The following TTC21B variants were observed in gnomAD, a reference collection of about 807,000 sequenced individuals.
TTC21B encodes the protein tetratricopeptide repeat protein 21B.
Under a neutral mutation model 175.1 loss-of-function variants are expected in TTC21B, and 127 were observed. The ratio of observed to expected loss-of-function variants is 0.73; its 90% CI spans 0.63 to 0.84. The LOEUF is 0.84. Ranked by LOEUF, TTC21B falls within the 40% of genes least tolerant of loss-of-function variation. The probability of loss-of-function intolerance (pLI) is 0.00; values close to 1 mark genes in which losing one functional copy is unlikely to be tolerated. For synonymous variants in TTC21B, 524 were observed against 524.5 expected (o/e 1.00, Z 0.01); for missense variants, 1,561 against 1,558.3 (o/e 1.00, Z -0.03).
At chr2:165,943,430 T>A in intron 4 of TTC21B, 89 bp from the exon 5 acceptor site, 3 of 1,068,998 alleles carry the variant, frequency 2.8e-6, no homozygotes, top group South Asian at 1.4e-5. Context: ...TTCTGGCAAT[T>A]AATAACAAAA....
At chr2:165,930,631 A>G (rs1178167162) in intron 8 of TTC21B, among the ~76,000 whole-genome samples, 3 of 151,864 alleles carry the variant, frequency 2.0e-5, no homozygotes, top group African/African-American at 7.3e-5. Flanking sequence ...TAATGATGTC[A>G]CTGCAAAAAC....
intron 3 of TTC21B, chr2:165,947,407 T>A (rs1197229764): frequency 6.6e-6 from 1 of 151,542 alleles, no homozygotes; most frequent in Non-Finnish European, 1.5e-5. Flanking sequence ...AGGTACAATC[T>A]AATGAGTGAA....
intron 18 of TTC21B, 32 bp from the exon 19 acceptor site, chr2:165,907,816 T>C (rs1685792882): frequency 7.2e-7 from 1 of 1,394,810 alleles, no homozygotes; most frequent in Non-Finnish European, 1.0e-6. Flanking sequence ...TGCAAAAAAT[T>C]ATTCATCTTA....
chr2:165,926,736 G>T (rs931636146), intron 11 of TTC21B, among the ~76,000 whole-genome samples: 7 of 151,884 alleles, frequency 4.6e-5, no homozygotes, highest in African/African-American at 1.7e-4. Context: ...TCAGCTGCCA[G>T]CATGGCTGGA....
intron 22 of TTC21B, among the ~76,000 whole-genome samples, chr2:165,893,792 C>T (rs994052252): frequency 1.3e-5 from 2 of 151,820 alleles, no homozygotes; most frequent in African/African-American, 2.4e-5. Context: ...TCTTACTAGA[C>T]GGACAAAGGC....
chr2:165,935,838 A>AG (rs1687116040), intron 6 of TTC21B, among the ~76,000 whole-genome samples: 1 of 152,318 alleles, frequency 6.6e-6, no homozygotes, highest in South Asian at 2.1e-4. Context: ...AAACGGAGAG[A>AG]TATTCCATGT....
intron 1 of TTC21B, chr2:165,950,012 T>C (rs1411759156): frequency 9.1e-6 from 2 of 220,408 alleles, no homozygotes; most frequent in Middle Eastern, 1.6e-3. Context: ...CCTTTTTTCC[T>C]TTGCCCACAT....
rs115570465 is a variant in TTC21B at position 165,916,730 on chromosome 2, C to T, written c.1899+527G>A. 5.4e-3 allele frequency among the ~76,000 whole-genome samples: 827 copies of T among 152,190 alleles called. 6 individuals carry two copies. Among genetic ancestry groups the T allele is most frequent in the African/African-American group, 0.019 (789 of 41,528 alleles). On this transcript the variant is annotated intron_variant, in intron 14 of 28. Transcript: ENST00000243344. ...ATCATGTTATTATGTTCCATTGTAG[C>T]CAACATGAGCACACTGATACTTAAG...
At chr2:165,938,963 A>G in intron 6 of TTC21B, among the ~76,000 whole-genome samples, 1 of 152,298 alleles carries the variant, frequency 6.6e-6, no homozygotes, top group Admixed American at 6.5e-5. Flanking sequence ...TTAATTTTTT[A>G]TATGTGATAA....
At chr2:165,876,001 T>C (rs1457638344) in intron 28 of TTC21B, among the ~76,000 whole-genome samples, 164 bp downstream of exon 28, 2 of 152,146 alleles carry the variant, frequency 1.3e-5, no homozygotes, top group African/African-American at 4.8e-5. Context: ...TAGGTGAACA[T>C]CATTTTCTAA....
chr2:165,930,730 GGGGTGTGTGT>G (rs1385538832), intron 8 of TTC21B, among the ~76,000 whole-genome samples: 3 of 78,356 alleles, frequency 3.8e-5, no homozygotes, highest in East Asian at 3.0e-4. Flanking sequence ...CGTGGGTATG[GGGGTGTGTGT>G]GTGTGTGTGT....
chr2:165,916,458 C>T lies in TTC21B; in HGVS notation c.1899+799G>A, dbSNP rs1421035149. 2.6e-5 allele frequency among the ~76,000 whole-genome samples: 4 copies of T among 152,164 alleles called. No homozygotes were observed. In the East Asian group the frequency reaches 5.8e-4, roughly 22 times the overall value. On this transcript the variant is annotated intron_variant, in intron 14 of 28. Transcript: ENST00000243344. ...CTCCCAGAATTACTTTCTATCTTAT[C>T]GTATATATTATTATTTTTAAAAATA...
At chr2:165,906,625 C>G (rs1159162806) in intron 19 of TTC21B, among the ~76,000 whole-genome samples, 3 of 151,964 alleles carry the variant, frequency 2.0e-5, no homozygotes, top group Non-Finnish European at 4.4e-5. Context: ...GTCTCAAGGC[C>G]TGCAACAATG....
intron 7 of TTC21B, among the ~76,000 whole-genome samples, chr2:165,932,480 T>A (rs916253307): frequency 6.6e-6 from 1 of 152,174 alleles, no homozygotes; most frequent in Non-Finnish European, 1.5e-5. Context: ...TGGCACTCCA[T>A]GATCCAATCT....
At chr2:165,913,408 T>G (rs1470772498) in intron 16 of TTC21B, among the ~76,000 whole-genome samples, 166 bp downstream of exon 16, 1 of 152,212 alleles carries the variant, frequency 6.6e-6, no homozygotes, top group Non-Finnish European at 1.5e-5. Context: ...AATTGATATC[T>G]CCCTTTTATT....
At chr2:165,924,055 G>A (rs1280885688) in intron 12 of TTC21B, among the ~76,000 whole-genome samples, 1 of 152,068 alleles carries the variant, frequency 6.6e-6, no homozygotes, top group Non-Finnish European at 1.5e-5. Flanking sequence ...ACCCAGCCAT[G>A]ATGGTCTATT....
At chr2:165,913,518 G>C in intron 16 of TTC21B, 56 bp downstream of exon 16, 1 of 1,122,218 alleles carries the variant, frequency 8.9e-7, no homozygotes, top group South Asian at 1.3e-5. Flanking sequence ...ATAGGAAGTT[G>C]TACTCATCAC....
chr2:165,937,771 CCACACACA>C (rs4001021), intron 6 of TTC21B, among the ~76,000 whole-genome samples: 8,323 of 127,542 alleles, frequency 0.065, 293 homozygotes, highest in Middle Eastern at 0.13. Context: ...TATATAGAAA[CCACACACA>C]CACACACACA....
chr2:165,953,640 T>TCGGC (rs1553517177), intron 1 of TTC21B, 45 bp downstream of exon 1: 1 of 1,287,868 alleles, frequency 7.8e-7, no homozygotes, highest in Non-Finnish European at 1.0e-6. Flanking sequence ...GCAAAGGAAC[T>TCGGC]CCGCCCGCCC....
Sources: allele counts gnomAD v4.1 joint callset (sites outside exome capture counted in the v4.1 genomes callset), GRCh38; gene constraint gnomAD v4.1.1; transcripts MANE v1.5; gene names NCBI Gene and HGNC (gene_info 2026-07-23, HGNC 2026-07-21).